The following TENM4 variants were observed in gnomAD, a reference collection of about 807,000 sequenced individuals.
TENM4 encodes teneurin-4.
Under a neutral mutation model 243.3 loss-of-function variants are expected in TENM4, and 82 were observed. The ratio of observed to expected loss-of-function variants is 0.34; its 90% CI spans 0.28 to 0.40. The LOEUF is 0.40. Among genes scored for constraint, TENM4 ranks in the 10% least tolerant of loss-of-function variants. The pLI is 1.00. For missense variants in TENM4, 3,138 were observed against 3,673.3 expected (o/e 0.85, Z 3.77); for synonymous variants, 1,412 against 1,456.3 (o/e 0.97, Z 0.69).
chr11:79,009,066 A>G (rs1858573489), intron 6 of TENM4, among the ~76,000 whole-genome samples: 1 of 152,128 alleles, frequency 6.6e-6, no homozygotes, highest in Non-Finnish European at 1.5e-5. Context: ...CTTCTGTTCT[A>G]TTGGAGTCTT....
intron 1 of TENM4, among the ~76,000 whole-genome samples, chr11:79,310,472 C>T (rs970547272): frequency 2.0e-5 from 3 of 152,224 alleles, no homozygotes; most frequent in African/African-American, 7.2e-5. Context: ...AATACGCACT[C>T]ATATGGCCTC....
intron 6 of TENM4, among the ~76,000 whole-genome samples, chr11:78,968,326 C>T (rs943717733): frequency 1.3e-5 from 2 of 152,124 alleles, no homozygotes; most frequent in African/African-American, 2.4e-5. Flanking sequence ...ACTCTGTCAC[C>T]CAGGCTGGAG....
At chr11:78,740,560 T>A (rs1366846372) in intron 19 of TENM4, among the ~76,000 whole-genome samples, 1 of 152,226 alleles carries the variant, frequency 6.6e-6, no homozygotes, top group African/African-American at 2.4e-5. Flanking sequence ...TGGGGAAGAT[T>A]TATTCCACCG....
chr11:79,110,665 G>A (rs1039825333), intron 4 of TENM4, among the ~76,000 whole-genome samples: 4 of 152,170 alleles, frequency 2.6e-5, no homozygotes, highest in Admixed American at 6.5e-5. Flanking sequence ...AAACGTGCAT[G>A]TCAGGTAAGT....
In TENM4 at chr11:79,438,192, C is replaced by A. The variant is rs1344391662; in HGVS notation, c.-321+2317G>T. On this transcript the variant is annotated intron_variant, in intron 1 of 33. Transcript: ENST00000278550. The surrounding 1 kb of genome is among the most constrained non-coding windows in gnomAD (Gnocchi z 4.1). ...AAGGGAGTTCAGGGCCAATGTGTCCCAGACTTCAGCGTTCCCCACGGCTGT... is the reference window on the plus strand; with the variant it reads ...AAGGGAGTTCAGGGCCAATGTGTCCAAGACTTCAGCGTTCCCCACGGCTGT... Among the ~76,000 whole-genome samples, 15 of 152,122 alleles carry A rather than the reference C, an allele frequency of 9.9e-5. No homozygotes were observed. Among genetic ancestry groups the A allele is most frequent in the Non-Finnish European group, 2.1e-4 (14 of 68,038 alleles).
At chr11:79,245,547 T>C (rs1855495913) in intron 2 of TENM4, among the ~76,000 whole-genome samples, 2 of 152,174 alleles carry the variant, frequency 1.3e-5, no homozygotes, top group African/African-American at 4.8e-5. Context: ...GGGATAATAA[T>C]GGAACCAACA....
intron 6 of TENM4, among the ~76,000 whole-genome samples, chr11:78,977,019 G>A (rs1857674641): frequency 6.6e-6 from 1 of 152,180 alleles, no homozygotes; most frequent in African/African-American, 2.4e-5. Context: ...CATGGTTCTG[G>A]AGGGCAGAAG....
At chr11:78,782,794 A>C (rs1244450580) in intron 16 of TENM4, among the ~76,000 whole-genome samples, 3 of 151,810 alleles carry the variant, frequency 2.0e-5, no homozygotes, top group African/African-American at 7.3e-5. Flanking sequence ...AACTGGACAA[A>C]GCACGGAAGA....
chr11:79,108,585 C>T (rs1370037522), intron 4 of TENM4, among the ~76,000 whole-genome samples: 2 of 152,016 alleles, frequency 1.3e-5, no homozygotes, highest in African/African-American at 4.8e-5. Context: ...AGGTGGCTGA[C>T]TAATATGCCA....
chr11:79,360,934 C>T (rs531891277), intron 1 of TENM4, among the ~76,000 whole-genome samples: 49 of 152,292 alleles, frequency 3.2e-4, no homozygotes, highest in Admixed American at 1.2e-3. Context: ...GCCTGTGATA[C>T]AGCAGACCAA....
At chr11:79,019,177 T>C (rs901123307) in intron 6 of TENM4, among the ~76,000 whole-genome samples, 2 of 152,232 alleles carry the variant, frequency 1.3e-5, no homozygotes, top group African/African-American at 2.4e-5. Context: ...CTGTTTGTAC[T>C]GAAGACAGTT....
intron 29 of TENM4, among the ~76,000 whole-genome samples, chr11:78,676,940 A>G (rs888589443): frequency 1.3e-5 from 2 of 152,216 alleles, no homozygotes; most frequent in Non-Finnish European, 2.9e-5. Flanking sequence ...CAGAATAGGC[A>G]AGAATCTCTA....
chr11:78,665,777 T>C (rs547862256), intron 32 of TENM4, among the ~76,000 whole-genome samples: 2 of 152,354 alleles, frequency 1.3e-5, no homozygotes, highest in African/African-American at 4.8e-5. Context: ...CAAGTGAAGA[T>C]AGAGTGCAAT....
At chr11:78,871,907 T>C (rs1859141093) in intron 9 of TENM4, among the ~76,000 whole-genome samples, 1 of 152,180 alleles carries the variant, frequency 6.6e-6, no homozygotes, top group African/African-American at 2.4e-5. Context: ...AAACAACAGC[T>C]CCTACTTATT....
chr11:79,014,899 C>G (rs967418812), intron 6 of TENM4: 3 of 152,304 alleles, frequency 2.0e-5, no homozygotes, highest in African/African-American at 7.2e-5. Flanking sequence ...TGCTCTCCTG[C>G]CTGGACATGC....
chr11:78,670,663 T>TC, intron 31 of TENM4, 112 bp from the exon 32 acceptor site: 2 of 1,086,714 alleles, frequency 1.8e-6, no homozygotes, highest in Non-Finnish European at 2.6e-6. Context: ...AATCCTGAGT[T>TC]TCCATGGTTC....
chr11:79,004,827 C>A (rs578197853), intron 6 of TENM4, among the ~76,000 whole-genome samples: 1 of 147,176 alleles, frequency 6.8e-6, no homozygotes, highest in Non-Finnish European at 1.5e-5. Context: ...TTTTTTGATA[C>A]AAGTAAGACT....
rs140165452 is a variant in TENM4 at position 79,393,827 on chromosome 11, A to T, written c.-321+46682T>A. On this transcript the variant is annotated intron_variant, in intron 1 of 33. Transcript: ENST00000278550. ...CGTGCTACAGTCAGCAGGAGTCTGG[A>T]CTTTGCCCTGGGGCCATCGGAGACA... is the stretch of plus-strand genomic sequence containing the variant. 1.2e-4 allele frequency among the ~76,000 whole-genome samples: 19 copies of T among 152,298 alleles called. No homozygotes were observed. The East Asian group carries it at 3.7e-3, about 30-fold the overall frequency.
chr11:78,907,244 C>A (rs901219300), intron 6 of TENM4, among the ~76,000 whole-genome samples: 1 of 133,766 alleles, frequency 7.5e-6, no homozygotes, highest in Admixed American at 7.5e-5. Flanking sequence ...GAATGGACTC[C>A]TTTTTTTTTT....
Sources: allele counts gnomAD v4.1 joint callset (sites outside exome capture counted in the v4.1 genomes callset), GRCh38; gene constraint gnomAD v4.1.1; non-coding constraint Gnocchi (gnomAD v3.1); transcripts MANE v1.5; gene names NCBI Gene and HGNC (gene_info 2026-07-23, HGNC 2026-07-21).